The following MECOM variants were observed in gnomAD, a reference collection of about 807,000 sequenced individuals.
The protein encoded by MECOM is histone-lysine N-methyltransferase MECOM.
A neutral mutation model predicts 116.3 loss-of-function variants in MECOM; 13 were observed. That is an observed-to-expected ratio of 0.11 (90% CI 0.07 to 0.18). The LOEUF (loss-of-function observed/expected upper bound fraction) is 0.18, where lower values mean the gene tolerates loss of function less well. MECOM is among the 10% of genes least tolerant of loss of function. MECOM has a pLI of 1.00. For missense variants in MECOM, 1,299 were observed against 1,509.0 expected, an observed-to-expected ratio of 0.86 and a Z score of 2.31; for synonymous variants, 528 against 535.2, an observed-to-expected ratio of 0.99 and a Z score of 0.19.
chr3:169,107,559 A>G (rs1251961749), intron 10 of MECOM, among the ~76,000 whole-genome samples: 1 of 152,224 alleles, frequency 6.6e-6, no homozygotes, highest in African/African-American at 2.4e-5. Context: ...CTTTATCAAA[A>G]GCATCTTTAC....
intron 2 of MECOM, among the ~76,000 whole-genome samples, chr3:169,211,961 A>G (rs1490305797): frequency 6.6e-6 from 1 of 152,040 alleles, no homozygotes; most frequent in Non-Finnish European, 1.5e-5. Flanking sequence ...TCTATCCCCA[A>G]AATGGCTCCA....
At chr3:169,516,375 T>C (rs1756627458) in intron 1 of MECOM, among the ~76,000 whole-genome samples, 1 of 152,224 alleles carries the variant, frequency 6.6e-6, no homozygotes, top group Non-Finnish European at 1.5e-5. Context: ...CTGTTTCAGA[T>C]ATAACTCTAT....
At chr3:169,595,947 T>C (rs1427150244) in intron 1 of MECOM, among the ~76,000 whole-genome samples, 1 of 152,110 alleles carries the variant, frequency 6.6e-6, no homozygotes, top group African/African-American at 2.4e-5. Context: ...ATATAGTCAA[T>C]TTCAATCAGA....
chr3:169,642,512 C>T (rs1773625554), intron 1 of MECOM, among the ~76,000 whole-genome samples: 1 of 144,902 alleles, frequency 6.9e-6, no homozygotes. Flanking sequence ...CTTAAGCCAA[C>T]TAACAACAAA....
chr3:169,535,642 C>G (rs886372741), intron 1 of MECOM, among the ~76,000 whole-genome samples: 2 of 152,210 alleles, frequency 1.3e-5, no homozygotes, highest in Non-Finnish European at 2.9e-5. Context: ...TAACCACCAC[C>G]TGATATATGT....
intron 1 of MECOM, among the ~76,000 whole-genome samples, chr3:169,522,409 T>A (rs894886679): frequency 9.9e-5 from 15 of 152,182 alleles, no homozygotes; most frequent in African/African-American, 2.9e-4. Context: ...TTAATATGAA[T>A]CCTCAGTCTA....
At chr3:169,480,636 T>C (rs946387494) in intron 1 of MECOM, among the ~76,000 whole-genome samples, 5 of 152,210 alleles carry the variant, frequency 3.3e-5, no homozygotes, top group Non-Finnish European at 5.9e-5. Flanking sequence ...CTCTGCTGTG[T>C]TTGTCCAAGC....
At chr3:169,616,440 G>A (rs970279176) in intron 1 of MECOM, among the ~76,000 whole-genome samples, 4 of 152,090 alleles carry the variant, frequency 2.6e-5, no homozygotes, top group Non-Finnish European at 5.9e-5. Context: ...CCGCCTCCTG[G>A]GTTCAAGCGA....
At chr3:169,148,010 C>T (rs897058767) in intron 2 of MECOM, among the ~76,000 whole-genome samples, 1 of 151,972 alleles carries the variant, frequency 6.6e-6, no homozygotes, top group Non-Finnish European at 1.5e-5. Context: ...CAGTTTTCTG[C>T]TAAGCATTAA....
intron 1 of MECOM, among the ~76,000 whole-genome samples, chr3:169,661,736 T>A (rs1439440136): frequency 6.6e-6 from 1 of 152,158 alleles, no homozygotes; most frequent in African/African-American, 2.4e-5. Context: ...AGGGACGCAG[T>A]GAGCAAGGAG....
intron 1 of MECOM, among the ~76,000 whole-genome samples, chr3:169,450,853 A>G (rs894203089): frequency 1.1e-4 from 16 of 152,218 alleles, no homozygotes; most frequent in African/African-American, 3.9e-4. Context: ...GCTCTGCATA[A>G]GAAGAAAAGG....
chr3:169,288,220 AG>A (rs1369185416), intron 2 of MECOM, among the ~76,000 whole-genome samples: 1 of 140,048 alleles, frequency 7.1e-6, no homozygotes, highest in Non-Finnish European at 1.5e-5. Flanking sequence ...GAAAGAGGCA[AG>A]TTTTAGTAAA....
At chr3:169,203,989 G>A (rs1020953906) in intron 2 of MECOM, among the ~76,000 whole-genome samples, 3 of 152,128 alleles carry the variant, frequency 2.0e-5, no homozygotes, top group Admixed American at 1.3e-4. Context: ...TATGGCTTAG[G>A]TGTAAATTTA....
At chr3:169,494,108 A>T (rs1408034443) in intron 1 of MECOM, among the ~76,000 whole-genome samples, 1 of 151,926 alleles carries the variant, frequency 6.6e-6, no homozygotes, top group African/African-American at 2.4e-5. Context: ...TGTAAACATT[A>T]CACTGACCAT....
chr3:169,418,299 C>T lies in MECOM; in HGVS notation c.38-36775G>A, dbSNP rs139737272. Among the ~76,000 whole-genome samples the T allele has an allele frequency of 2.4e-4, 36 of 152,178 alleles. No homozygotes were observed. In the East Asian group the frequency reaches 4.6e-3, roughly 20 times the overall value. The stretch of plus-strand genomic sequence containing the variant: ...AAAAGCCCAGGACCAGACAGATTCA[C>T]AGCTGAATTCTACCAGAGGTACAAA... On this transcript the variant is annotated intron_variant, in intron 1 of 16. Coordinates refer to ENST00000651503, the MANE Select transcript of MECOM (RefSeq NM_004991.4).
intron 2 of MECOM, among the ~76,000 whole-genome samples, chr3:169,199,720 A>G (rs573521669): frequency 2.9e-4 from 44 of 152,234 alleles, no homozygotes; most frequent in African/African-American, 9.4e-4. Flanking sequence ...AGAATGATCA[A>G]TAAAATTCTT....
chr3:169,585,755 A>G (rs563561716), intron 1 of MECOM, among the ~76,000 whole-genome samples: 1 of 152,324 alleles, frequency 6.6e-6, no homozygotes, highest in South Asian at 2.1e-4. Flanking sequence ...TAGCACCTGT[A>G]ACAGTTTCTG....
At chr3:169,347,143 A>G (rs1725494754) in intron 2 of MECOM, among the ~76,000 whole-genome samples, 1 of 152,038 alleles carries the variant, frequency 6.6e-6, no homozygotes, top group Admixed American at 6.6e-5. Flanking sequence ...TACTAATGTA[A>G]AAAAGAGAAA....
chr3:169,188,389 G>A (rs183889625), intron 2 of MECOM, among the ~76,000 whole-genome samples: 270 of 152,094 alleles, frequency 1.8e-3, no homozygotes, highest in Admixed American at 2.5e-3. Flanking sequence ...TGTGGTCTTC[G>A]AATGAGAAGA....
Sources: allele counts gnomAD v4.1 joint callset (sites outside exome capture counted in the v4.1 genomes callset), GRCh38; gene constraint gnomAD v4.1.1; transcripts MANE v1.5; gene names NCBI Gene and HGNC (gene_info 2026-07-23, HGNC 2026-07-21).